Variants in STEAP1 observed in about 807,000 individuals in gnomAD.
The protein encoded by STEAP1 is STEAP1 protein.
STEAP1 carries 30 observed loss-of-function variants against 34.4 expected under a neutral mutation model. The observed-to-expected ratio is 0.87, with a 90% CI of 0.65 to 1.18. STEAP1 has a LOEUF of 1.18. Ranked by LOEUF, STEAP1 falls within the 50% of genes most tolerant of loss-of-function variation. STEAP1 has a pLI of 0.00. For missense variants in STEAP1, 318 were observed against 391.1 expected (o/e 0.81, Z 1.58); for synonymous variants, 116 against 135.3 (o/e 0.86, Z 0.99).
At chr7:90,158,884 G>C (rs1231768880) in intron 1 of STEAP1, among the ~76,000 whole-genome samples, 1 of 152,144 alleles carries the variant, frequency 6.6e-6, no homozygotes, top group Non-Finnish European at 1.5e-5. Context: ...ACCTAAAAAA[G>C]TACTACACGT....
In STEAP1 at chr7:90,161,135, G is replaced by T. The variant is rs376248650; in HGVS notation, c.415G>T (p.Val139Phe). The T allele has an allele frequency of 4.3e-5, 69 of 1,613,974 alleles. No individual in the cohort carries two copies. In the African/African-American group the frequency reaches 7.7e-4, roughly 18 times the overall value. Residue 139 changes from valine to phenylalanine, a missense_variant, in exon 3 of 5, where the codon GTC (valine) becomes TTC (phenylalanine). Coordinates refer to ENST00000297205, the MANE Select transcript of STEAP1 (RefSeq NM_012449.3). ...CCTGCCAGGTGTGATAGCAGCAATT[G>T]TCCAACTTCATAATGGAACCAAGTA... ...VYLPGVIAAI[V>F]QLHNGTKYKK... is the part of the protein sequence containing the mutation.
At chr7:90,157,071 A>C (rs1794127350) in intron 1 of STEAP1, among the ~76,000 whole-genome samples, 1 of 152,082 alleles carries the variant, frequency 6.6e-6, no homozygotes, top group Non-Finnish European at 1.5e-5. Flanking sequence ...TTTCCTCTTT[A>C]ATGTTGGTCA....
At chr7:90,155,550 C>T (rs2115953773) in intron 1 of STEAP1, among the ~76,000 whole-genome samples, 1 of 152,282 alleles carries the variant, frequency 6.6e-6, no homozygotes, top group East Asian at 1.9e-4. Flanking sequence ...GAGTTCCTAA[C>T]ATTTTAACAC....
chr7:90,162,161 A>G lies in STEAP1; in HGVS notation c.762+83A>G, dbSNP rs899049599. ...AGAATATGTTGACTTTACCCCATAA[A>G]AAATAACAAATGTTTTTCAACAGCA... On this transcript the variant is annotated intron_variant, in intron 4 of 4. Coordinates refer to ENST00000297205, the MANE Select transcript of STEAP1 (RefSeq NM_012449.3). The G allele has an allele frequency of 4.8e-6, 7 of 1,466,542 alleles. No individual in the cohort carries two copies. The African/African-American group carries it at 8.6e-5, about 18-fold the overall frequency. 90.8% of individuals were successfully genotyped at this position (1,466,542 alleles called of 1,614,324 possible).
chr7:90,155,101 G>A (rs1008637191), intron 1 of STEAP1, among the ~76,000 whole-genome samples: 2 of 152,104 alleles, frequency 1.3e-5, no homozygotes, highest in Non-Finnish European at 2.9e-5. Flanking sequence ...CCACTGGAAG[G>A]TGTTTGTAGA....
chr7:90,155,738 T>C (rs1794109413), intron 1 of STEAP1, among the ~76,000 whole-genome samples: 1 of 152,186 alleles, frequency 6.6e-6, no homozygotes, highest in African/African-American at 2.4e-5. Flanking sequence ...CTCACTGTCA[T>C]GGGCTTTTCC....
chr7:90,164,551 T>G lies in STEAP1; in HGVS notation c.837T>G (p.Asp279Glu). The change falls in exon 5 of 5, where the codon GAT (aspartate) becomes GAG (glutamate). Residue 279 changes from aspartate to glutamate, a missense_variant. Coordinates refer to ENST00000297205, the MANE Select transcript of STEAP1 (RefSeq NM_012449.3). Reference protein sequence around the residue: ...ALIFAWNKWIDIKQFVWYTPP... With the variant: ...ALIFAWNKWIEIKQFVWYTPP... ...TTTTTGCCTGGAATAAGTGGATAGA[T>G]ATAAAACAATTTGTATGGTATACAC... 3 of 1,613,750 alleles carry G rather than the reference T, an allele frequency of 1.9e-6. No homozygotes were observed. Among genetic ancestry groups the G allele is most frequent in the Middle Eastern group, 1.7e-4 (1 of 6,058 alleles).
At chr7:90,159,426 G>A (rs1344690912) in intron 1 of STEAP1, among the ~76,000 whole-genome samples, 3 of 152,176 alleles carry the variant, frequency 2.0e-5, no homozygotes, top group South Asian at 4.1e-4. Context: ...GCCATTGAAA[G>A]GAGTTGGCTT....
chr7:90,160,011 T>A, intron 2 of STEAP1, 139 bp downstream of exon 2: 1 of 487,040 alleles, frequency 2.1e-6, no homozygotes, highest in Non-Finnish European at 3.3e-6. Flanking sequence ...TTACCGTCAC[T>A]GATACTGTGA....
At chr7:90,160,414 G>A (rs1174257465) in intron 2 of STEAP1, among the ~76,000 whole-genome samples, 7 of 151,572 alleles carry the variant, frequency 4.6e-5, no homozygotes, top group African/African-American at 1.7e-4. Flanking sequence ...CTGAAAAAGT[G>A]GCAGAAATTT....
intron 1 of STEAP1, among the ~76,000 whole-genome samples, chr7:90,154,894 G>A (rs1794101426): frequency 6.6e-6 from 1 of 152,218 alleles, no homozygotes; most frequent in Admixed American, 6.5e-5. Flanking sequence ...AAAGTTGCCA[G>A]AGTTTGCTGT....
intron 4 of STEAP1, chr7:90,163,081 T>C (rs1440473130): frequency 2.6e-6 from 1 of 382,154 alleles, no homozygotes; most frequent in South Asian, 1.9e-5. Context: ...TTACCGTTTA[T>C]GGGTAGACAT....
chr7:90,159,904 T>A, intron 2 of STEAP1, 32 bp downstream of exon 2: 1 of 1,367,080 alleles, frequency 7.3e-7, no homozygotes, highest in Non-Finnish European at 9.8e-7. Context: ...TAATAAATAA[T>A]AATTTACATC....
chr7:90,157,604 G>T (rs1794132878), intron 1 of STEAP1, among the ~76,000 whole-genome samples: 1 of 152,172 alleles, frequency 6.6e-6, no homozygotes. Flanking sequence ...GAGGGAGGAA[G>T]GGCATTTCTC....
At chr7:90,161,396 C>T in intron 3 of STEAP1, 79 bp downstream of exon 3, 2 of 1,447,492 alleles carry the variant, frequency 1.4e-6, no homozygotes, top group Non-Finnish European at 1.8e-6. Flanking sequence ...ATTGTAATAT[C>T]AATACCCCAA....
chr7:90,162,139 A>T (rs762898495), intron 4 of STEAP1, 61 bp downstream of exon 4: 5 of 1,520,850 alleles, frequency 3.3e-6, no homozygotes, highest in Admixed American at 2.2e-5. Flanking sequence ...ATGATATAGA[A>T]TATGTTGACT....
intron 4 of STEAP1, 150 bp from the exon 5 acceptor site, chr7:90,164,327 T>C (rs2286254): frequency 0.12 from 119,472 of 959,288 alleles, 13,714 homozygotes; most frequent in East Asian, 0.61. Flanking sequence ...GCAAAAAGAG[T>C]AGAAAGATGT....
intron 1 of STEAP1, among the ~76,000 whole-genome samples, chr7:90,154,959 G>A (rs1794102250): frequency 6.6e-6 from 1 of 152,128 alleles, no homozygotes; most frequent in South Asian, 2.1e-4. Flanking sequence ...TCTCGTCTTC[G>A]GGTTTCCTGG....
At position 90,159,887 on chromosome 7, in the gene STEAP1, A is replaced by G. The variant is rs755308597; in HGVS notation, c.84+15A>G. On this transcript the variant is annotated intron_variant, in intron 2 of 4. Transcript: ENST00000297205. The stretch of plus-strand genomic sequence containing the variant: ...ACGATTATTTGGTAAAATATTAATA[A>G]TAACAATAATAAATAATAATTTACA... 2.8e-6 allele frequency: 4 copies of G among 1,417,080 alleles called. No individual in the cohort carries two copies. Among genetic ancestry groups the G allele is most frequent in the Non-Finnish European group, 3.8e-6 (4 of 1,054,044 alleles). 87.8% of individuals were successfully genotyped at this position (1,417,080 alleles called of 1,614,324 possible).
Sources: allele counts gnomAD v4.1 joint callset (sites outside exome capture counted in the v4.1 genomes callset), GRCh38; gene constraint gnomAD v4.1.1; transcripts MANE v1.5; gene names NCBI Gene and HGNC (gene_info 2026-07-23, HGNC 2026-07-21).